PLB1: variants seen among roughly 807,000 people sequenced by gnomAD.
The protein encoded by PLB1 is phospholipase B1, also known as phospholipase B1, membrane-associated.
PLB1 carries 242 observed loss-of-function variants against 227.4 expected under a neutral mutation model. The ratio of observed to expected loss-of-function variants is 1.06; its 90% confidence interval spans 0.96 to 1.18. The LOEUF (loss-of-function observed/expected upper bound fraction) is 1.18. PLB1 is among the 50% of genes most tolerant of loss of function. PLB1 has a pLI of 0.00. For missense variants in PLB1, 1,858 were observed against 1,816.3 expected (o/e 1.02, Z -0.42); for synonymous variants, 757 against 682.2 (o/e 1.11, Z -1.71).
intron 49 of PLB1, among the ~76,000 whole-genome samples, chr2:28,623,082 GT>G (rs1436159560): frequency 6.6e-6 from 1 of 152,176 alleles, no homozygotes; most frequent in Non-Finnish European, 1.5e-5. Context: ...AGAGCACACA[GT>G]ATGAACTGCA....
chr2:28,643,105 C>A lies in PLB1; in HGVS notation c.*44C>A. ...ACCCTAAACTCCCTATAGCCACTCT[C>A]TTCACCGCCCTCTGCCCCAGCCACT... On this transcript the variant is annotated 3_prime_UTR_variant, in exon 58 of 58. Transcript: ENST00000327757. 1 of 1,482,974 alleles carries A rather than the reference C, an allele frequency of 6.7e-7. No individual in the cohort carries two copies. The highest frequency in any genetic ancestry group is 9.1e-7 in the Non-Finnish European group (1 of 1,104,354). 91.9% of individuals were successfully genotyped at this position (1,482,974 alleles called of 1,614,324 possible). A position where few individuals can be genotyped will look rare whatever the true frequency, so the allele number is the denominator to read the frequency against.
rs182084512 is a variant in PLB1 at position 28,620,533 on chromosome 2, G to A, written c.3384-67G>A. Reference sequence around the variant, plus strand: ...CAGAACCCGGTTCCGGTTCTGGCTTGTGCATATGTTGACACAGGGAGCAGC... The same window carrying A: ...CAGAACCCGGTTCCGGTTCTGGCTTATGCATATGTTGACACAGGGAGCAGC... On this transcript the variant is annotated intron_variant, in intron 47 of 57. Coordinates refer to ENST00000327757, the MANE Select transcript of PLB1 (RefSeq NM_153021.5). 9.8e-4 allele frequency: 1,523 copies of A among 1,551,740 alleles called. 7 individuals carry two copies. Among genetic ancestry groups the A allele is most frequent in the African/African-American group, 9.3e-3 (686 of 73,978 alleles).
intron 26 of PLB1, among the ~76,000 whole-genome samples, chr2:28,587,325 C>T (rs568587597): frequency 6.8e-4 from 104 of 152,284 alleles, no homozygotes; most frequent in Non-Finnish European, 1.3e-3. Flanking sequence ...CCATAAGAAT[C>T]AAAATCAATG....
intron 15 of PLB1, among the ~76,000 whole-genome samples, chr2:28,549,180 C>G (rs35289517): frequency 0.038 from 5,837 of 152,284 alleles, 149 homozygotes; most frequent in South Asian, 0.079. Flanking sequence ...CACAGCTCAC[C>G]TGGCCCCAAA....
Position 28,579,824 on chromosome 2 carries a change from C to G in PLB1, c.1566+117C>G, listed in dbSNP as rs908788005. 9 of 852,894 alleles carry G rather than the reference C, an allele frequency of 1.1e-5. No homozygotes were observed. In the African/African-American group the frequency reaches 1.2e-4, roughly 11 times the overall value. 52.8% of individuals were successfully genotyped at this position (852,894 alleles called of 1,614,324 possible). On this transcript the variant is annotated intron_variant, in intron 23 of 57. Coordinates refer to ENST00000327757, the MANE Select transcript of PLB1 (RefSeq NM_153021.5). ...GTTGGGACTCAGGCTCATGGTTTGT[C>G]TTGGATCCAGCCTGGGATGAACCCT...
intron 53 of PLB1, among the ~76,000 whole-genome samples, chr2:28,630,033 G>C (rs1038211288): frequency 6.6e-6 from 1 of 152,158 alleles, no homozygotes; most frequent in Non-Finnish European, 1.5e-5. Flanking sequence ...TCCAGAGTCT[G>C]TCTGTATCGT....
chr2:28,543,073 T>C (rs947463892), intron 13 of PLB1, 139 bp from the exon 14 acceptor site: 2 of 824,384 alleles, frequency 2.4e-6, no homozygotes, highest in African/African-American at 1.7e-5. Flanking sequence ...GCCCCTGTTA[T>C]TGATGAGGGG....
chr2:28,603,949 T>TC lies in PLB1; in HGVS notation c.2775-12dup, dbSNP rs746796321. On this transcript the variant is annotated splice_polypyrimidine_tract_variant and intron_variant, in intron 39 of 57. Transcript: ENST00000327757. ...AGCCTGAGCTCTGGGGCCTCCTGCCTCCCCCTCTTTGTGCAGCGTTTTGTG... is the reference window on the plus strand; with the variant it reads ...AGCCTGAGCTCTGGGGCCTCCTGCCTCCCCCCTCTTTGTGCAGCGTTTTGTG... 4 of 1,611,292 alleles carry TC rather than the reference T, an allele frequency of 2.5e-6. No individual in the cohort carries two copies. The African/African-American group carries it at 5.3e-5, about 22-fold the overall frequency.
rs374945738 is a variant in PLB1, at chr2:28,628,645, G to A, written c.3726+17G>A. 4.7e-5 allele frequency: 76 copies of A among 1,613,218 alleles called. No homozygotes were observed. The highest frequency in any genetic ancestry group is 1.1e-4 in the African/African-American group (8 of 74,864). On this transcript the variant is annotated intron_variant, in intron 52 of 57. Coordinates refer to ENST00000327757, the MANE Select transcript of PLB1 (RefSeq NM_153021.5). ...TCTGAGGAGGTAGGAGAGGGGTTAC[G>A]TGTTCCTGGGTCCCGCCAGCCACCT...
rs895598203 is a variant in PLB1, at chr2:28,538,141, A to T, written c.556-178A>T. The T allele has an allele frequency of 2.2e-5, 17 of 787,358 alleles. No individual in the cohort carries two copies. The Admixed American group carries it at 3.3e-4, about 15-fold the overall frequency. The allele number at this position is 787,358 out of a possible 1,614,324, so 48.8% of individuals were successfully genotyped here. ...GGTTGGGGAGAAAATAGAAGAACAAAATGAAGACAAAACTAGGAAGCTCTG... is the reference window on the plus strand; with the variant it reads ...GGTTGGGGAGAAAATAGAAGAACAATATGAAGACAAAACTAGGAAGCTCTG... On this transcript the variant is annotated intron_variant, in intron 9 of 57. Transcript: ENST00000327757.
At chr2:28,570,161 C>G (rs1677766425) in intron 20 of PLB1, among the ~76,000 whole-genome samples, 1 of 152,086 alleles carries the variant, frequency 6.6e-6, no homozygotes, top group African/African-American at 2.4e-5. Flanking sequence ...GGAAGGAATG[C>G]TTCACAACTC....
At position 28,548,938 on chromosome 2, in the gene PLB1, G is replaced by A; in HGVS notation, c.1008+7G>A. On this transcript the variant is annotated splice_region_variant and intron_variant, in intron 15 of 57. Transcript: ENST00000327757. ...AATGAAGTGTCCCTCTCAGGTAGGA[G>A]GGACTGGGCAGAGGAGGGACTCTTA... 6.2e-7 allele frequency: 1 copy of A among 1,613,772 alleles called. No homozygotes were observed. The highest frequency in any genetic ancestry group is 8.5e-7 in the Non-Finnish European group (1 of 1,179,714).
chr2:28,593,528 A>G (rs906251289), intron 32 of PLB1, among the ~76,000 whole-genome samples, 153 bp from the exon 33 acceptor site: 1 of 152,212 alleles, frequency 6.6e-6, no homozygotes, highest in Admixed American at 6.5e-5. Flanking sequence ...GGAGAGGAGG[A>G]TGGCAGACTT....
chr2:28,525,847 G>T, intron 5 of PLB1, 58 bp from the exon 6 acceptor site: 1 of 1,594,246 alleles, frequency 6.3e-7, no homozygotes, highest in Non-Finnish European at 8.6e-7. Context: ...AAGGGGAAGG[G>T]CTATTGGCAG....
chr2:28,616,989 G>A (rs189855599), intron 44 of PLB1, among the ~76,000 whole-genome samples: 11 of 152,042 alleles, frequency 7.2e-5, no homozygotes, highest in Non-Finnish European at 1.5e-4. Flanking sequence ...TGAGACTTTG[G>A]GAAGATACTC....
intron 43 of PLB1, among the ~76,000 whole-genome samples, chr2:28,613,249 T>G (rs893111208): frequency 2.6e-5 from 4 of 152,234 alleles, no homozygotes; most frequent in Non-Finnish European, 5.9e-5. Context: ...GTTCCCATTT[T>G]ATTCTCACAT....
intron 4 of PLB1, among the ~76,000 whole-genome samples, chr2:28,521,761 T>C (rs1003602053): frequency 7.9e-5 from 12 of 152,056 alleles, no homozygotes; most frequent in Non-Finnish European, 2.9e-5. Context: ...CTCCACAGCC[T>C]TGCTGCCCCC....
chr2:28,521,377 C>T (rs1298546112), intron 4 of PLB1, among the ~76,000 whole-genome samples: 3 of 152,210 alleles, frequency 2.0e-5, no homozygotes, highest in Non-Finnish European at 4.4e-5. Context: ...AGTGACTGCA[C>T]TATTTTATAT....
intron 6 of PLB1, 83 bp from the exon 7 acceptor site, chr2:28,529,234 C>T (rs781451235): frequency 2.2e-6 from 2 of 915,124 alleles, no homozygotes; most frequent in Non-Finnish European, 3.5e-6. Flanking sequence ...CATGAGCCAC[C>T]ACTCCTGGCA....
Sources: gnomAD v4.1 joint callset for allele counts (sites outside exome capture counted in the v4.1 genomes callset) on GRCh38, gnomAD v4.1.1 for gene constraint, MANE v1.5 for transcripts, NCBI Gene and HGNC (gene_info 2026-07-23, HGNC 2026-07-21) for gene names.